Variants in KLF12 observed in about 807,000 individuals in gnomAD.
KLF12 encodes KLF transcription factor 12.
A neutral mutation model predicts 37.8 loss-of-function variants in KLF12; 9 were observed. That is an observed-to-expected ratio of 0.24 (90% CI 0.14 to 0.42). The LOEUF (loss-of-function observed/expected upper bound fraction) is 0.42, where lower values mean the gene tolerates loss of function less well. Among genes scored for constraint, KLF12 ranks in the 10% least tolerant of loss-of-function variants. The pLI, the probability that KLF12 is intolerant of heterozygous loss-of-function variation, is 1.00. For missense variants in KLF12, 411 were observed against 516.0 expected (o/e 0.80, Z 1.97); for synonymous variants, 208 against 202.1 (o/e 1.03, Z -0.25).
intron 1 of KLF12, among the ~76,000 whole-genome samples, chr13:74,041,622 C>A (rs573777000): frequency 6.6e-6 from 1 of 151,442 alleles, no homozygotes; most frequent in Non-Finnish European, 1.5e-5. Context: ...CCAGCATCCA[C>A]GGCTCAGCGT....
At chr13:74,066,263 T>C (rs1051527863) in intron 1 of KLF12, among the ~76,000 whole-genome samples, 5 of 152,226 alleles carry the variant, frequency 3.3e-5, no homozygotes, top group Non-Finnish European at 5.9e-5. Flanking sequence ...AACACTTGTT[T>C]TCTTAAGCTA....
At chr13:74,020,497 A>C (rs1004321078) in intron 1 of KLF12, among the ~76,000 whole-genome samples, 6 of 152,202 alleles carry the variant, frequency 3.9e-5, no homozygotes, top group African/African-American at 1.4e-4. Context: ...TATGGCCAGG[A>C]TCAGGAAAAA....
Position 73,813,327 on chromosome 13 carries a change from C to A in KLF12, c.671-40G>T, listed in dbSNP as rs111971724. ...CATATATAATGAATTAAAATCAGTG[C>A]GCAGAAAGTTAACCTTGTCCTGGAC... is the stretch of plus-strand genomic sequence containing the variant. On this transcript the variant is annotated intron_variant, in intron 4 of 7. Coordinates refer to ENST00000377669, the MANE Select transcript of KLF12 (RefSeq NM_007249.5). 18 of 1,609,322 alleles carry A rather than the reference C, an allele frequency of 1.1e-5. No individual in the cohort carries two copies. The African/African-American group carries it at 2.4e-4, about 21-fold the overall frequency.
chr13:73,899,239 C>A (rs1173763646), intron 3 of KLF12, among the ~76,000 whole-genome samples: 2 of 152,140 alleles, frequency 1.3e-5, no homozygotes, highest in Non-Finnish European at 2.9e-5. Flanking sequence ...ATGGGAAACA[C>A]CACATCACTA....
intron 6 of KLF12, among the ~76,000 whole-genome samples, chr13:73,728,932 G>C (rs1351855847): frequency 2.6e-5 from 4 of 152,176 alleles, no homozygotes; most frequent in Non-Finnish European, 5.9e-5. Flanking sequence ...GTTAGCAAGA[G>C]TTCTGGGCTT....
chr13:73,756,083 G>T (rs1566345798), intron 6 of KLF12, among the ~76,000 whole-genome samples: 1 of 152,098 alleles, frequency 6.6e-6, no homozygotes. Flanking sequence ...GCTATGAAGA[G>T]TCTTACCTCT....
chr13:74,209,819 C>T, the KLF12 span, among the ~76,000 whole-genome samples: 7 of 152,160 alleles, frequency 4.6e-5, no homozygotes, highest in Admixed American at 6.6e-5. Context: ...GTTAGTTGTA[C>T]TTCTCTATAT....
intron 5 of KLF12, among the ~76,000 whole-genome samples, chr13:73,776,017 A>G (rs1001922007): frequency 6.6e-6 from 1 of 152,210 alleles, no homozygotes; most frequent in Admixed American, 6.5e-5. Context: ...TCTAAAGATG[A>G]TAAGCCATCT....
chr13:74,205,261 C>A, the KLF12 span, among the ~76,000 whole-genome samples: 2 of 152,096 alleles, frequency 1.3e-5, no homozygotes, highest in Non-Finnish European at 2.9e-5. Context: ...TTAGTGAATT[C>A]ATAATAAAAC....
rs61312097 is a variant in KLF12 at position 74,083,493 on chromosome 13, G to GACACACAC, written c.-32+50238_-32+50245dup. ...TTGCACTCCAGCCTGGGCGATAGGAGACACACACACACACACACACACACA... is the reference window on the plus strand; with the variant it reads ...TTGCACTCCAGCCTGGGCGATAGGAGACACACACACACACACACACACACACACACACA... On this transcript the variant is annotated intron_variant, in intron 1 of 7. Coordinates refer to ENST00000377669, the MANE Select transcript of KLF12 (RefSeq NM_007249.5). Among the ~76,000 whole-genome samples, 448 of 136,496 alleles carry GACACACAC rather than the reference G, an allele frequency of 3.3e-3. 4 individuals are homozygous for GACACACAC. The highest frequency in any genetic ancestry group is 0.012 in the African/African-American group (408 of 35,318). 89.5% of individuals were successfully genotyped at this position (136,496 alleles called of 152,430 possible). A position where few individuals can be genotyped will look rare whatever the true frequency, so the allele number is the denominator to read the frequency against.
intron 1 of KLF12, among the ~76,000 whole-genome samples, chr13:74,074,159 AGTGT>A (rs547749105): frequency 4.6e-5 from 7 of 151,586 alleles, no homozygotes; most frequent in Admixed American, 4.6e-4. Context: ...AGAGAGAGAG[AGTGT>A]GTGTGTGTGT....
At chr13:73,729,399 G>C (rs950877208) in intron 6 of KLF12, among the ~76,000 whole-genome samples, 2 of 152,130 alleles carry the variant, frequency 1.3e-5, no homozygotes, top group African/African-American at 4.8e-5. Context: ...TATAATAATG[G>C]CTTCTATAGC....
chr13:74,240,350 G>A, the KLF12 span, among the ~76,000 whole-genome samples: 7 of 116,196 alleles, frequency 6.0e-5, no homozygotes, highest in African/African-American at 1.1e-4. Context: ...AGGGTAACCC[G>A]ACCTTTCTCT....
At chr13:74,192,820 C>T in the KLF12 span, among the ~76,000 whole-genome samples, 1 of 152,090 alleles carries the variant, frequency 6.6e-6, no homozygotes, top group Non-Finnish European at 1.5e-5. Flanking sequence ...CACAGATTTT[C>T]CAAGAAAATG....
chr13:73,965,438 A>G (rs1355661114), intron 2 of KLF12, among the ~76,000 whole-genome samples: 1 of 152,182 alleles, frequency 6.6e-6, no homozygotes, highest in Non-Finnish European at 1.5e-5. Context: ...ATATACAAGG[A>G]TTCCAGCCTC....
intron 1 of KLF12, among the ~76,000 whole-genome samples, chr13:74,131,348 T>C (rs1217015621): frequency 1.3e-5 from 2 of 152,158 alleles, no homozygotes; most frequent in African/African-American, 2.4e-5. Context: ...AGAATGAACG[T>C]CAAGCATCCC....
the KLF12 span, among the ~76,000 whole-genome samples, chr13:74,154,613 G>C: frequency 6.6e-6 from 1 of 151,564 alleles, no homozygotes. Context: ...GCAAAGGGTG[G>C]GCAAGTGTCT....
At chr13:73,862,434 C>G (rs1468908059) in intron 3 of KLF12, among the ~76,000 whole-genome samples, 1 of 152,170 alleles carries the variant, frequency 6.6e-6, no homozygotes, top group Non-Finnish European at 1.5e-5. Flanking sequence ...AAGATACAAT[C>G]TTTAGTGATC....
At chr13:73,826,413 T>G (rs1430946731) in intron 4 of KLF12, among the ~76,000 whole-genome samples, 1 of 152,218 alleles carries the variant, frequency 6.6e-6, no homozygotes, top group Non-Finnish European at 1.5e-5. Flanking sequence ...GGTCTAGTAC[T>G]TGCTCCCTCA....
Sources: gnomAD v4.1 joint callset for allele counts (sites outside exome capture counted in the v4.1 genomes callset) on GRCh38, gnomAD v4.1.1 for gene constraint, MANE v1.5 for transcripts, NCBI Gene and HGNC (gene_info 2026-07-23, HGNC 2026-07-21) for gene names.